Variants in ESRRG observed in about 807,000 individuals in gnomAD.
The protein encoded by ESRRG is estrogen related receptor gamma.
Under a neutral mutation model 44.0 loss-of-function variants are expected in ESRRG, and 13 were observed. The ratio of observed to expected loss-of-function variants is 0.30; its 90% confidence interval spans 0.19 to 0.47. ESRRG has a LOEUF of 0.47. Among genes scored for constraint, ESRRG ranks in the 20% least tolerant of loss-of-function variants. The pLI, the probability that ESRRG is intolerant of heterozygous loss-of-function variation, is 1.00. For missense variants in ESRRG, 395 were observed against 580.6 expected, an observed-to-expected ratio of 0.68 and a Z score of 3.29; for synonymous variants, 215 against 214.6, an observed-to-expected ratio of 1.00 and a Z score of -0.02.
At chr1:216,766,073 TGA>T (rs1303136225) in intron 2 of ESRRG, among the ~76,000 whole-genome samples, 7 of 152,144 alleles carry the variant, frequency 4.6e-5, no homozygotes, top group Admixed American at 4.6e-4. Context: ...TCTTGTAAAG[TGA>T]ACCTGTCGGG....
rs12239087 is a variant in ESRRG at position 216,588,880 on chromosome 1, A to C, written c.590-20782T>G. ...TGGGAATCTATCGGGTACTTCTCTGAGGACTTTCAGTCAATAGGAACAAAG... is the reference window on the plus strand; with the variant it reads ...TGGGAATCTATCGGGTACTTCTCTGCGGACTTTCAGTCAATAGGAACAAAG... On this transcript the variant is annotated intron_variant, in intron 3 of 6. Transcript: ENST00000408911. 8.4e-3 allele frequency among the ~76,000 whole-genome samples: 1,274 copies of C among 152,310 alleles called. 18 individuals carry two copies. The highest frequency in any genetic ancestry group is 0.029 in the African/African-American group (1,216 of 41,562).
intron 3 of ESRRG, among the ~76,000 whole-genome samples, chr1:216,601,246 C>G (rs1288176581): frequency 1.3e-5 from 2 of 151,974 alleles, no homozygotes; most frequent in Admixed American, 6.5e-5. Flanking sequence ...GACACCCGGC[C>G]GTCGGACCGC....
intron 2 of ESRRG, among the ~76,000 whole-genome samples, chr1:216,794,615 C>CT (rs900227472): frequency 6.6e-6 from 1 of 152,066 alleles, no homozygotes; most frequent in Non-Finnish European, 1.5e-5. Flanking sequence ...AGCAACATTT[C>CT]TTTTTTTTCC....
intron 2 of ESRRG, among the ~76,000 whole-genome samples, chr1:216,653,253 AC>A (rs1166627111): frequency 2.6e-5 from 4 of 152,252 alleles, no homozygotes; most frequent in Non-Finnish European, 5.9e-5. Context: ...GTGAGCTCAC[AC>A]CTGGACTATG....
At chr1:216,740,153 A>G (rs1042118113) in intron 2 of ESRRG, among the ~76,000 whole-genome samples, 27 of 152,332 alleles carry the variant, frequency 1.8e-4, no homozygotes, top group African/African-American at 6.5e-4. Flanking sequence ...TTTTGAATGA[A>G]TACCAATTTT....
intron 5 of ESRRG, among the ~76,000 whole-genome samples, chr1:216,551,769 TAGTAGA>T (rs536653318): frequency 2.0e-5 from 3 of 152,196 alleles, no homozygotes; most frequent in Non-Finnish European, 4.4e-5. Context: ...CAGAGAGATA[TAGTAGA>T]GAGGCTGACG....
chr1:217,037,429 G>A (rs1295553951), intron 1 of ESRRG, among the ~76,000 whole-genome samples: 1 of 152,150 alleles, frequency 6.6e-6, no homozygotes, highest in Non-Finnish European at 1.5e-5. Flanking sequence ...AGCTTGTGCA[G>A]AGAAACTCTC....
intron 2 of ESRRG, among the ~76,000 whole-genome samples, chr1:216,875,470 T>C (rs2096335238): frequency 6.6e-6 from 1 of 152,168 alleles, no homozygotes; most frequent in Non-Finnish European, 1.5e-5. Flanking sequence ...ATTATTTTTA[T>C]CTGTGTCTGA....
At chr1:216,887,232 G>T (rs370631216) in intron 2 of ESRRG, among the ~76,000 whole-genome samples, 2 of 152,102 alleles carry the variant, frequency 1.3e-5, no homozygotes, top group Non-Finnish European at 2.9e-5. Context: ...ACAGAACCAC[G>T]CTGACTCACA....
chr1:216,785,046 G>A (rs142729136), intron 2 of ESRRG, among the ~76,000 whole-genome samples: 135 of 151,542 alleles, frequency 8.9e-4, no homozygotes, highest in Middle Eastern at 3.4e-3. Context: ...CCTAAACTAC[G>A]AAAACAGCAA....
chr1:216,917,746 T>C (rs544130728), intron 2 of ESRRG, among the ~76,000 whole-genome samples: 1 of 152,328 alleles, frequency 6.6e-6, no homozygotes, highest in Admixed American at 6.5e-5. Context: ...AATGAATTGG[T>C]ACTCACTGTC....
chr1:216,934,857 T>A (rs1221356736), intron 2 of ESRRG, among the ~76,000 whole-genome samples: 1 of 152,148 alleles, frequency 6.6e-6, no homozygotes, highest in African/African-American at 2.4e-5. Context: ...TTTTGATAGT[T>A]CACCTCCAAT....
intron 1 of ESRRG, among the ~76,000 whole-genome samples, chr1:217,060,797 T>TAGAG (rs2088225949): frequency 1.8e-5 from 1 of 54,920 alleles, no homozygotes; most frequent in Non-Finnish European, 5.0e-5. Flanking sequence ...ACTAGATAGA[T>TAGAG]AGATAGATAG....
intron 1 of ESRRG, among the ~76,000 whole-genome samples, chr1:217,057,279 C>T (rs569054199): frequency 1.8e-4 from 28 of 152,164 alleles, no homozygotes; most frequent in African/African-American, 5.3e-4. Flanking sequence ...AGTTCTGTGA[C>T]GTTAGTGAGA....
rs1274530440 is a variant in ESRRG, at chr1:216,971,089, CAAT to C, written c.-105-31419_-105-31417del. On this transcript the variant is annotated intron_variant, in intron 1 of 7. Coordinates refer to the ESRRG transcript ENST00000359162. ...GCAGTGACCCTGGAAACCCTCATTC[CAAT>C]AGTTATCTGCTCCATTATAAAATAG... Among the ~76,000 whole-genome samples the C allele has an allele frequency of 4.6e-5, 7 of 152,178 alleles. 1 individual carries two copies. In the East Asian group the frequency reaches 1.2e-3, roughly 25 times the overall value.
At chr1:216,625,131 A>G (rs2062948966) in intron 3 of ESRRG, among the ~76,000 whole-genome samples, 1 of 152,134 alleles carries the variant, frequency 6.6e-6, no homozygotes, top group Admixed American at 6.5e-5. Flanking sequence ...CTCCTCTTTT[A>G]GCCCAATTAT....
At chr1:216,763,556 AATATTAAT>A (rs2092913893) in intron 2 of ESRRG, among the ~76,000 whole-genome samples, 1 of 152,164 alleles carries the variant, frequency 6.6e-6, no homozygotes, top group African/African-American at 2.4e-5. Context: ...AACTGGTCAC[AATATTAAT>A]ATACGCTTAG....
At chr1:216,664,840 C>A (rs764508748) in intron 2 of ESRRG, among the ~76,000 whole-genome samples, 5 of 152,066 alleles carry the variant, frequency 3.3e-5, no homozygotes, top group Non-Finnish European at 7.4e-5. Context: ...AATAGAATTA[C>A]CATGTGATCC....
Position 216,505,797 on chromosome 1 carries a change from G to A in ESRRG, c.*1142C>T, listed in dbSNP as rs1352164647. ...CTGGCACACAACATAAATTGCATCC[G>A]TGATAATATGCACCTTCCCTTCAAC... On this transcript the variant is annotated 3_prime_UTR_variant, in exon 7 of 7. Coordinates refer to ENST00000408911, the MANE Select transcript of ESRRG (RefSeq NM_001438.4). 1 of 152,508 alleles carries A rather than the reference G, an allele frequency of 6.6e-6. No individual in the cohort carries two copies. Among genetic ancestry groups the A allele is most frequent in the Non-Finnish European group, 1.5e-5 (1 of 68,014 alleles). 9.4% of individuals were successfully genotyped at this position (152,508 alleles called of 1,614,324 possible). A position where few individuals can be genotyped will look rare whatever the true frequency, so the allele number is the denominator to read the frequency against.
Sources: allele counts gnomAD v4.1 joint callset (sites outside exome capture counted in the v4.1 genomes callset), GRCh38; gene constraint gnomAD v4.1.1; transcripts MANE v1.5; gene names NCBI Gene and HGNC (gene_info 2026-07-23, HGNC 2026-07-21).